The following EXOC6 variants were observed in gnomAD, a reference collection of about 807,000 sequenced individuals.
EXOC6 encodes exocyst complex component 6.
A neutral mutation model predicts 112.5 loss-of-function variants in EXOC6; 60 were observed. The ratio of observed to expected loss-of-function variants is 0.53; its 90% CI spans 0.43 to 0.66. EXOC6 has a LOEUF of 0.66. EXOC6 is among the 30% of genes least tolerant of loss of function. EXOC6 has a pLI of 0.00. For missense variants in EXOC6, 855 were observed against 957.1 expected (o/e 0.89, Z 1.41); for synonymous variants, 295 against 308.0 (o/e 0.96, Z 0.44).
At chr10:92,922,137 G>A (rs1851480133) in intron 8 of EXOC6, among the ~76,000 whole-genome samples, 1 of 151,878 alleles carries the variant, frequency 6.6e-6, no homozygotes, top group Admixed American at 6.6e-5. Context: ...GTAGAGACGG[G>A]GTTTCTCCAT....
At chr10:92,908,749 A>G (rs1178220692) in intron 5 of EXOC6, among the ~76,000 whole-genome samples, 2 of 152,192 alleles carry the variant, frequency 1.3e-5, no homozygotes, top group African/African-American at 2.4e-5. Context: ...ATATATGTCA[A>G]TTTATCTAGG....
At chr10:92,975,557 G>A (rs1460885217) in intron 18 of EXOC6, among the ~76,000 whole-genome samples, 1 of 145,446 alleles carries the variant, frequency 6.9e-6, no homozygotes. Context: ...CCCCGTCCGG[G>A]ACGGAGGTGG....
chr10:92,907,398 T>C (rs1850505687), intron 5 of EXOC6, among the ~76,000 whole-genome samples: 1 of 152,150 alleles, frequency 6.6e-6, no homozygotes, highest in Admixed American at 6.5e-5. Flanking sequence ...GGGTTGTGCG[T>C]ATATGGGCGC....
intron 13 of EXOC6, among the ~76,000 whole-genome samples, chr10:92,941,428 A>G (rs1240259645): frequency 6.6e-6 from 1 of 152,192 alleles, no homozygotes; most frequent in Non-Finnish European, 1.5e-5. Context: ...TCTGCTTTCA[A>G]ATCTTTTGGG....
chr10:93,027,761 T>C (rs1845092974), intron 20 of EXOC6, among the ~76,000 whole-genome samples: 2 of 152,228 alleles, frequency 1.3e-5, no homozygotes, highest in Admixed American at 1.3e-4. Context: ...TTACTGCTTA[T>C]TAACAATGGA....
intron 11 of EXOC6, among the ~76,000 whole-genome samples, chr10:92,934,912 A>G (rs548307628): frequency 6.6e-6 from 1 of 152,222 alleles, no homozygotes; most frequent in South Asian, 2.1e-4. Flanking sequence ...TTTATAGATG[A>G]AAATTAAATG....
At position 93,022,611 on chromosome 10, in the gene EXOC6, T is replaced by G. The variant is rs117726369; in HGVS notation, c.2169+8344T>G. ...CTTGAATTTTATTATTTTAGCAGCT[T>G]GGACTTAATAAATTGAAAAAGATAG... On this transcript the variant is annotated intron_variant, in intron 20 of 21. Transcript: ENST00000260762. Among the ~76,000 whole-genome samples, 1,197 of 152,308 alleles carry G rather than the reference T, an allele frequency of 7.9e-3. 5 individuals are homozygous for G. The highest frequency in any genetic ancestry group is 0.013 in the Non-Finnish European group (896 of 68,012).
intron 18 of EXOC6, among the ~76,000 whole-genome samples, chr10:92,986,309 G>A (rs969772955): frequency 6.6e-6 from 1 of 152,132 alleles, no homozygotes; most frequent in African/African-American, 2.4e-5. Flanking sequence ...AAATAACTAT[G>A]ATGGTGGGAT....
chr10:92,969,798 A>G (rs979373898), intron 17 of EXOC6, among the ~76,000 whole-genome samples: 2 of 151,990 alleles, frequency 1.3e-5, no homozygotes, highest in African/African-American at 4.8e-5. Context: ...GGTTCAAGCA[A>G]TTCTCATGCC....
chr10:92,981,438 G>A (rs1479436705), intron 18 of EXOC6, among the ~76,000 whole-genome samples: 1 of 152,178 alleles, frequency 6.6e-6, no homozygotes, highest in African/African-American at 2.4e-5. Flanking sequence ...ACCGGCCATA[G>A]GGGAGACATG....
intron 20 of EXOC6, among the ~76,000 whole-genome samples, chr10:93,029,491 A>G (rs2134285517): frequency 6.6e-6 from 1 of 152,240 alleles, no homozygotes; most frequent in South Asian, 2.1e-4. Context: ...TGGGTTGTCT[A>G]TGTCTGACTG....
intron 17 of EXOC6, among the ~76,000 whole-genome samples, chr10:92,959,008 C>T (rs1049608351): frequency 4.6e-5 from 7 of 151,972 alleles, no homozygotes. Context: ...GCAGGAGAAT[C>T]GCTTGAACCC....
intron 1 of EXOC6, among the ~76,000 whole-genome samples, chr10:92,867,782 C>A (rs1273302938): frequency 2.0e-5 from 3 of 152,074 alleles, no homozygotes; most frequent in Non-Finnish European, 4.4e-5. Flanking sequence ...TAAATGGATA[C>A]ACAACTGGTC....
At chr10:92,988,800 TACACACAC>T (rs67242778) in intron 18 of EXOC6, among the ~76,000 whole-genome samples, 2,728 of 143,090 alleles carry the variant, frequency 0.019, 54 homozygotes, top group African/African-American at 0.055. Context: ...CTACAAAAAA[TACACACAC>T]ACACACACAC....
intron 20 of EXOC6, among the ~76,000 whole-genome samples, chr10:93,027,264 G>C (rs370053911): frequency 6.6e-6 from 1 of 152,214 alleles, no homozygotes; most frequent in East Asian, 1.9e-4. Context: ...GGTAGCTGAG[G>C]TTGGTTCATG....
intron 17 of EXOC6, among the ~76,000 whole-genome samples, chr10:92,969,456 C>CA (rs1842196600): frequency 1.3e-5 from 2 of 152,070 alleles, no homozygotes; most frequent in Admixed American, 6.5e-5. Context: ...GTGAGTATAA[C>CA]AAAATATTTG....
chr10:92,897,122 T>G (rs1210734138), intron 4 of EXOC6, among the ~76,000 whole-genome samples: 1 of 152,132 alleles, frequency 6.6e-6, no homozygotes, highest in African/African-American at 2.4e-5. Flanking sequence ...TAATAAACCT[T>G]AAAAATTGGG....
intron 1 of EXOC6, among the ~76,000 whole-genome samples, chr10:92,886,264 G>C (rs1478095207): frequency 6.6e-6 from 1 of 152,120 alleles, no homozygotes. Flanking sequence ...AAGAAAAATA[G>C]CTTTTTCAGA....
chr10:92,956,160 A>G (rs1853684547), intron 17 of EXOC6, among the ~76,000 whole-genome samples: 1 of 152,118 alleles, frequency 6.6e-6, no homozygotes, highest in South Asian at 2.1e-4. Context: ...TTGCGGGTGG[A>G]AAGATTTCTG....
Sources: gnomAD v4.1 joint callset for allele counts (sites outside exome capture counted in the v4.1 genomes callset) on GRCh38, gnomAD v4.1.1 for gene constraint, MANE v1.5 for transcripts, NCBI Gene and HGNC (gene_info 2026-07-23, HGNC 2026-07-21) for gene names.